NWD2: variants seen among roughly 807,000 people sequenced by gnomAD.
The protein encoded by NWD2 is NACHT and WD repeat domain-containing protein 2.
A neutral mutation model predicts 132.7 loss-of-function variants in NWD2; 37 were observed. The observed-to-expected ratio is 0.28, with a 90% CI of 0.21 to 0.37. The LOEUF (loss-of-function observed/expected upper bound fraction) is 0.37. NWD2 is among the 10% of genes least tolerant of loss of function. NWD2 has a pLI of 1.00. For missense variants in NWD2, 1,592 were observed against 2,122.4 expected (o/e 0.75, Z 4.91); for synonymous variants, 705 against 803.0 (o/e 0.88, Z 2.06).
chr4:37,257,415 G>T (rs1443287308), intron 1 of NWD2, among the ~76,000 whole-genome samples: 1 of 152,170 alleles, frequency 6.6e-6, no homozygotes, highest in Non-Finnish European at 1.5e-5. Flanking sequence ...CCAGACTTGG[G>T]TAAGATACTT....
intron 2 of NWD2, among the ~76,000 whole-genome samples, chr4:37,349,516 C>G (rs549346570): frequency 1.3e-5 from 2 of 152,216 alleles, no homozygotes; most frequent in South Asian, 4.2e-4. Flanking sequence ...CCTTTGCCCA[C>G]TTTTTGATTG....
intron 1 of NWD2, among the ~76,000 whole-genome samples, chr4:37,251,077 G>A (rs992590200): frequency 1.3e-5 from 2 of 152,278 alleles, no homozygotes; most frequent in African/African-American, 2.4e-5. Context: ...TCAGGAATTC[G>A]AGACCAGCCT....
At chr4:37,282,312 A>C (rs1718144338) in intron 1 of NWD2, among the ~76,000 whole-genome samples, 1 of 152,112 alleles carries the variant, frequency 6.6e-6, no homozygotes, top group African/African-American at 2.4e-5. Context: ...TTTATTCTTG[A>C]GGTAGGAAAA....
intron 1 of NWD2, among the ~76,000 whole-genome samples, chr4:37,290,944 G>A (rs147096530): frequency 3.5e-4 from 54 of 152,272 alleles, no homozygotes; most frequent in African/African-American, 1.2e-3. Flanking sequence ...CTAGAATTAA[G>A]GAATGATATG....
intron 2 of NWD2, among the ~76,000 whole-genome samples, chr4:37,340,310 T>C (rs2109294516): frequency 6.6e-6 from 1 of 152,282 alleles, no homozygotes; most frequent in Non-Finnish European, 1.5e-5. Flanking sequence ...CGTGTACCTG[T>C]CCTTCAAGTC....
rs950360711 is a variant in NWD2, at chr4:37,443,232, A to G, written c.1297-53A>G. ...CTCTGGAGAGAGGCAATGTTATCAC[A>G]TATGACCATGTGAATACATATTACC... On this transcript the variant is annotated intron_variant, in intron 6 of 6. Transcript: ENST00000309447. The surrounding 1 kb of genome is among the most constrained non-coding windows in gnomAD (Gnocchi z 4.1). 4.9e-6 allele frequency: 7 copies of G among 1,422,046 alleles called. No individual in the cohort carries two copies. Among genetic ancestry groups the G allele is most frequent in the Middle Eastern group, 1.8e-4 (1 of 5,682 alleles). The allele number at this position is 1,422,046 out of a possible 1,614,324, so 88.1% of individuals were successfully genotyped here.
chr4:37,418,908 C>T (rs1711719319), intron 3 of NWD2, among the ~76,000 whole-genome samples: 1 of 151,706 alleles, frequency 6.6e-6, no homozygotes, highest in Non-Finnish European at 1.5e-5. Flanking sequence ...TTTTGATTTA[C>T]ATTTCTCTAA....
intron 1 of NWD2, among the ~76,000 whole-genome samples, chr4:37,285,155 G>A (rs890734163): frequency 1.3e-5 from 2 of 152,070 alleles, no homozygotes; most frequent in South Asian, 2.1e-4. Flanking sequence ...TGAAGCCTAC[G>A]TCAAGTCACA....
chr4:37,320,789 T>C (rs188713190), intron 1 of NWD2, among the ~76,000 whole-genome samples: 1 of 152,314 alleles, frequency 6.6e-6, no homozygotes, highest in East Asian at 1.9e-4. Context: ...TTGGAAACCA[T>C]GCTAACAGGA....
chr4:37,408,250 C>G (rs1017132962), intron 3 of NWD2, among the ~76,000 whole-genome samples: 7 of 152,088 alleles, frequency 4.6e-5, no homozygotes, highest in African/African-American at 1.7e-4. Flanking sequence ...GTCCCACCCC[C>G]ACGGAGCCCA....
intron 1 of NWD2, among the ~76,000 whole-genome samples, chr4:37,275,955 G>C (rs1333134962): frequency 1.3e-5 from 2 of 152,092 alleles, no homozygotes; most frequent in Admixed American, 6.5e-5. Flanking sequence ...AATTCAAGAT[G>C]AATTAAAGAC....
At chr4:37,323,167 G>A (rs947895254) in intron 1 of NWD2, among the ~76,000 whole-genome samples, 7 of 152,118 alleles carry the variant, frequency 4.6e-5, no homozygotes, top group African/African-American at 1.4e-4. Flanking sequence ...AATGCAAATA[G>A]AAGTACTTAG....
chr4:37,416,644 C>A (rs1296115250), intron 3 of NWD2, among the ~76,000 whole-genome samples: 1 of 152,182 alleles, frequency 6.6e-6, no homozygotes. Flanking sequence ...GAAAAAGATA[C>A]TTGCACACAC....
In NWD2 at chr4:37,263,758, A is replaced by G. The variant is rs147167530; in HGVS notation, c.151+18540A>G. 1.6e-3 allele frequency among the ~76,000 whole-genome samples: 243 copies of G among 152,286 alleles called. 1 individual carries two copies. Among genetic ancestry groups the G allele is most frequent in the African/African-American group, 4.5e-3 (187 of 41,560 alleles). On this transcript the variant is annotated intron_variant, in intron 1 of 6. Coordinates refer to ENST00000309447, the MANE Select transcript of NWD2 (RefSeq NM_001144990.2). Reference sequence around the variant, plus strand: ...GAATATTCAGTCCTTATAAATTTTAACAGAAATTATTGAAATACAAGAGTT... The same window carrying G: ...GAATATTCAGTCCTTATAAATTTTAGCAGAAATTATTGAAATACAAGAGTT...
chr4:37,274,503 C>G (rs1393207175), intron 1 of NWD2, among the ~76,000 whole-genome samples: 1 of 152,142 alleles, frequency 6.6e-6, no homozygotes, highest in South Asian at 2.1e-4. Flanking sequence ...ACCAGCGGTA[C>G]AAGAAGGAGC....
Position 37,446,630 on chromosome 4 carries a change from A to C in NWD2, c.4642A>C (p.Ile1548Leu). The change falls in exon 7 of 7, where the codon ATC (isoleucine) becomes CTC (leucine). Residue 1548 changes from isoleucine (I) to leucine (L), a missense_variant. By Grantham distance (5) the Ile-to-Leu change is conservative. Coordinates refer to ENST00000309447, the MANE Select transcript of NWD2 (RefSeq NM_001144990.2). This position sits in a 1 kb window ranked among gnomAD's most constrained non-coding sequence, Gnocchi z 6.7. Reference protein sequence around the residue: ...LGIIARGDENINVLDLYSGKL... With the variant: ...LGIIARGDENLNVLDLYSGKL... Reference sequence around the variant, plus strand: ...CATTATAGCCAGGGGAGATGAAAACATCAATGTGCTAGATTTATACAGTGG... The same window carrying C: ...CATTATAGCCAGGGGAGATGAAAACCTCAATGTGCTAGATTTATACAGTGG... 6.4e-7 allele frequency: 1 copy of C among 1,551,560 alleles called. No homozygotes were observed. Among genetic ancestry groups the C allele is most frequent in the Non-Finnish European group, 8.7e-7 (1 of 1,146,982 alleles).
chr4:37,298,010 C>G (rs73807478), intron 1 of NWD2, among the ~76,000 whole-genome samples: 2,514 of 152,250 alleles, frequency 0.017, 62 homozygotes, highest in African/African-American at 0.056. Context: ...CAACACGCCA[C>G]AGGGAACTGG....
chr4:37,278,070 T>C (rs939355565), intron 1 of NWD2, among the ~76,000 whole-genome samples: 3 of 152,178 alleles, frequency 2.0e-5, no homozygotes, highest in Admixed American at 1.3e-4. Flanking sequence ...TGAGAGGTCA[T>C]ATTCAACCAC....
chr4:37,273,740 C>G (rs950630826), intron 1 of NWD2, among the ~76,000 whole-genome samples: 7 of 151,986 alleles, frequency 4.6e-5, no homozygotes, highest in Non-Finnish European at 8.8e-5. Context: ...TTTCTTAGAC[C>G]ACAGTGCAAT....
Sources: gnomAD v4.1 joint callset for allele counts (sites outside exome capture counted in the v4.1 genomes callset) on GRCh38, gnomAD v4.1.1 for gene constraint, Gnocchi (gnomAD v3.1) non-coding constraint, MANE v1.5 for transcripts, NCBI Gene and HGNC (gene_info 2026-07-23, HGNC 2026-07-21) for gene names.